The following SLC25A28 variants were observed in gnomAD, a reference collection of about 807,000 sequenced individuals.
SLC25A28 encodes the protein mitoferrin-2.
In SLC25A28, 10 loss-of-function variants were observed where a neutral mutation model predicts 31.9. That is an observed-to-expected ratio of 0.31 (90% confidence interval 0.19 to 0.53). The LOEUF is 0.53. Ranked by LOEUF, SLC25A28 falls within the 20% of genes least tolerant of loss-of-function variation. The pLI, the probability that SLC25A28 is intolerant of heterozygous loss-of-function variation, is 0.95. For missense variants in SLC25A28, 256 were observed against 490.3 expected, an observed-to-expected ratio of 0.52 and a Z score of 4.51; for synonymous variants, 208 against 203.6, an observed-to-expected ratio of 1.02 and a Z score of -0.19.
upstream of SLC25A28, chr10:99,620,922 A>G (rs2034778347): frequency 1.0e-6 from 1 of 984,216 alleles, no homozygotes; most frequent in Non-Finnish European, 1.2e-6. Context: ...TCAACGTCAA[A>G]CTGCTGACGG....
At chr10:99,617,582 G>A in intron 1 of SLC25A28, 1 of 985,432 alleles carries the variant, frequency 1.0e-6, no homozygotes, top group Non-Finnish European at 1.2e-6. Flanking sequence ...TCTGAAGGAA[G>A]AGATTTGAAT....
At chr10:99,656,276 G>C in the SLC25A28 span, among the ~76,000 whole-genome samples, 28 of 152,298 alleles carry the variant, frequency 1.8e-4, no homozygotes, top group East Asian at 4.8e-3. Flanking sequence ...CAGTTGGAAG[G>C]CTTCATTAGA....
the SLC25A28 span, among the ~76,000 whole-genome samples, chr10:99,645,481 T>C: frequency 6.6e-6 from 1 of 152,200 alleles, no homozygotes; most frequent in South Asian, 2.1e-4. Flanking sequence ...TTTTGGCTAC[T>C]TTGCGGTGGG....
the SLC25A28 span, among the ~76,000 whole-genome samples, chr10:99,640,740 G>A: frequency 1.5e-3 from 214 of 140,666 alleles, 3 homozygotes; most frequent in Middle Eastern, 3.8e-3. Context: ...GACAGGCCCC[G>A]GTGTGTGATG....
chr10:99,627,734 C>T, the SLC25A28 span, among the ~76,000 whole-genome samples: 1 of 152,096 alleles, frequency 6.6e-6, no homozygotes, highest in African/African-American at 2.4e-5. Flanking sequence ...AGCTACCGTA[C>T]CCTGCCCACT....
chr10:99,651,028 A>G, the SLC25A28 span, among the ~76,000 whole-genome samples: 1 of 152,122 alleles, frequency 6.6e-6, no homozygotes, highest in Non-Finnish European at 1.5e-5. Flanking sequence ...CACAGCCAAG[A>G]TCATAAAAGC....
the SLC25A28 span, among the ~76,000 whole-genome samples, chr10:99,648,402 TTC>T: frequency 2.6e-5 from 4 of 152,178 alleles, no homozygotes; most frequent in Non-Finnish European, 4.4e-5. Flanking sequence ...TCGAGCTTTG[TTC>T]TTTTTGCTTA....
the SLC25A28 span, among the ~76,000 whole-genome samples, chr10:99,626,271 A>G: frequency 6.6e-6 from 1 of 152,374 alleles, no homozygotes; most frequent in East Asian, 1.9e-4. Flanking sequence ...GAAACAGAAC[A>G]TAAGAGCTAC....
chr10:99,631,627 T>C, the SLC25A28 span, among the ~76,000 whole-genome samples: 2 of 152,076 alleles, frequency 1.3e-5, no homozygotes, highest in African/African-American at 4.8e-5. Context: ...CCTCATCTCT[T>C]GACTCATCCC....
chr10:99,611,468 T>C lies in SLC25A28; in HGVS notation c.578-102A>G. The C allele has an allele frequency of 1.4e-6, 2 of 1,425,866 alleles. No homozygotes were observed. Among genetic ancestry groups the C allele is most frequent in the Non-Finnish European group, 1.9e-6 (2 of 1,054,352 alleles). The allele number at this position is 1,425,866 out of a possible 1,614,324, so 88.3% of individuals were successfully genotyped here. Reference sequence around the variant, plus strand: ...CAAGTCAGCAGATCAGCCAATGGAATAGAGAGAGAAAAAAGTATGAGTGAG... The same window carrying C: ...CAAGTCAGCAGATCAGCCAATGGAACAGAGAGAGAAAAAAGTATGAGTGAG... On this transcript the variant is annotated intron_variant, in intron 3 of 3. Transcript: ENST00000370495. This position sits in a 1 kb window ranked among gnomAD's most constrained non-coding sequence, Gnocchi z 5.5.
At chr10:99,640,919 T>C in the SLC25A28 span, among the ~76,000 whole-genome samples, 5 of 152,246 alleles carry the variant, frequency 3.3e-5, no homozygotes, top group Admixed American at 1.3e-4. Flanking sequence ...GGCTGCATAG[T>C]ATTCCATGGT....
Position 99,612,527 on chromosome 10 carries a change from G to C in SLC25A28, c.577+16C>G. ...GGTGCAGCTGCCCACAGAGTGATAG[G>C]TTGAGGAATCATTACCTTCCGCAGG... On this transcript the variant is annotated intron_variant, in intron 3 of 3. Transcript: ENST00000370495. 1 of 1,613,826 alleles carries C rather than the reference G, an allele frequency of 6.2e-7. No homozygotes were observed. The highest frequency in any genetic ancestry group is 8.5e-7 in the Non-Finnish European group (1 of 1,179,802).
the SLC25A28 span, among the ~76,000 whole-genome samples, chr10:99,645,967 C>T: frequency 3.3e-5 from 5 of 152,200 alleles, no homozygotes; most frequent in African/African-American, 1.2e-4. Flanking sequence ...TGTCAGTCGG[C>T]CCCTACTGGG....
chr10:99,636,502 A>G, the SLC25A28 span, among the ~76,000 whole-genome samples: 1 of 152,332 alleles, frequency 6.6e-6, no homozygotes, highest in South Asian at 2.1e-4. Flanking sequence ...CTAAATGCCT[A>G]CATCAAAAAG....
chr10:99,641,374 G>A, the SLC25A28 span, among the ~76,000 whole-genome samples: 9 of 152,162 alleles, frequency 5.9e-5, no homozygotes, highest in Admixed American at 1.3e-4. Context: ...CTTTTGAGAA[G>A]TGTCTGTTCA....
upstream of SLC25A28, chr10:99,621,705 TCTC>T (rs1356997144): frequency 6.6e-6 from 1 of 152,374 alleles, no homozygotes; most frequent in Non-Finnish European, 1.5e-5. Flanking sequence ...AGCTCTGTCT[TCTC>T]TGTTTTACCC....
intron 2 of SLC25A28, 81 bp from the exon 3 acceptor site, chr10:99,612,680 G>A: frequency 6.7e-7 from 1 of 1,499,554 alleles, no homozygotes; most frequent in Admixed American, 1.7e-5. Context: ...AAGGGGAGTG[G>A]CTGTGCTACA....
At chr10:99,642,287 C>T in the SLC25A28 span, among the ~76,000 whole-genome samples, 2 of 152,024 alleles carry the variant, frequency 1.3e-5, no homozygotes, top group Non-Finnish European at 2.9e-5. Context: ...CTTCACATCC[C>T]TTGTAAGTTG....
At chr10:99,617,156 A>G (rs1197195933) in intron 1 of SLC25A28, 2 of 985,298 alleles carry the variant, frequency 2.0e-6, no homozygotes, top group Non-Finnish European at 2.4e-6. Context: ...GAGGATTTTG[A>G]GAAGGGTTCT....
Sources: gnomAD v4.1 joint callset for allele counts (sites outside exome capture counted in the v4.1 genomes callset) on GRCh38, gnomAD v4.1.1 for gene constraint, Gnocchi (gnomAD v3.1) non-coding constraint, MANE v1.5 for transcripts, NCBI Gene and HGNC (gene_info 2026-07-23, HGNC 2026-07-21) for gene names.